PLCL1: variants seen among roughly 807,000 people sequenced by gnomAD.
PLCL1 encodes the protein phospholipase C like 1 (inactive).
Under a neutral mutation model 84.4 loss-of-function variants are expected in PLCL1, and 41 were observed. That is an observed-to-expected ratio of 0.49 (90% confidence interval 0.38 to 0.63). PLCL1 has a LOEUF of 0.63. Ranked by LOEUF, PLCL1 falls within the 30% of genes least tolerant of loss-of-function variation. PLCL1 has a pLI of 0.00. For missense variants in PLCL1, 1,206 were observed against 1,367.8 expected (o/e 0.88, Z 1.87); for synonymous variants, 490 against 488.3 (o/e 1.00, Z -0.05).
At chr2:197,989,259 C>T (rs1026108053) in intron 1 of PLCL1, among the ~76,000 whole-genome samples, 13 of 152,056 alleles carry the variant, frequency 8.5e-5, no homozygotes, top group African/African-American at 2.9e-4. Flanking sequence ...AACGTCTCTG[C>T]CTTTGAGTTG....
At chr2:198,011,420 C>T (rs1195018645) in intron 1 of PLCL1, among the ~76,000 whole-genome samples, 1 of 151,738 alleles carries the variant, frequency 6.6e-6, no homozygotes, top group African/African-American at 2.4e-5. Flanking sequence ...ACTGGATTTT[C>T]CTATTTTCTT....
chr2:198,031,360 G>T (rs991888155), intron 1 of PLCL1, among the ~76,000 whole-genome samples: 26 of 151,908 alleles, frequency 1.7e-4, no homozygotes, highest in African/African-American at 6.0e-4. Flanking sequence ...AGAGCAAGAG[G>T]CCCCGTGTCT....
At chr2:197,862,301 T>G (rs1687447173) in intron 1 of PLCL1, among the ~76,000 whole-genome samples, 1 of 152,184 alleles carries the variant, frequency 6.6e-6, no homozygotes, top group Non-Finnish European at 1.5e-5. Context: ...TAATAAATAT[T>G]TTCTGATAAA....
At chr2:197,842,004 G>A (rs1421569558) in intron 1 of PLCL1, among the ~76,000 whole-genome samples, 1 of 152,086 alleles carries the variant, frequency 6.6e-6, no homozygotes, top group Non-Finnish European at 1.5e-5. Context: ...GAAGGTTTTA[G>A]CCTATGTTTT....
intron 1 of PLCL1, among the ~76,000 whole-genome samples, chr2:197,925,695 G>T (rs1042374535): frequency 1.3e-5 from 2 of 152,048 alleles, no homozygotes; most frequent in Non-Finnish European, 2.9e-5. Context: ...TCTGCTAGTT[G>T]TACTTAAACT....
At chr2:197,825,957 T>A (rs1690919794) in intron 1 of PLCL1, among the ~76,000 whole-genome samples, 2 of 152,226 alleles carry the variant, frequency 1.3e-5, no homozygotes, top group Admixed American at 6.5e-5. Flanking sequence ...TATCTAGCAG[T>A]TCCTCTAATA....
intron 3 of PLCL1, among the ~76,000 whole-genome samples, chr2:198,094,754 G>A (rs1466331971): frequency 6.6e-6 from 1 of 152,162 alleles, no homozygotes; most frequent in African/African-American, 2.4e-5. Context: ...ATGACAGAGG[G>A]TTCACCAAGT....
intron 1 of PLCL1, among the ~76,000 whole-genome samples, chr2:198,082,161 G>A (rs936424852): frequency 2.6e-5 from 4 of 152,092 alleles, no homozygotes; most frequent in African/African-American, 4.8e-5. Context: ...GAACAGTCAC[G>A]CACATTTTCT....
At chr2:197,980,690 T>G (rs1690084377) in intron 1 of PLCL1, among the ~76,000 whole-genome samples, 1 of 152,080 alleles carries the variant, frequency 6.6e-6, no homozygotes, top group African/African-American at 2.4e-5. Flanking sequence ...AAAATGATAG[T>G]GGGGGAACAG....
At chr2:198,102,311 GT>G (rs762693050) in intron 4 of PLCL1, among the ~76,000 whole-genome samples, 1 of 152,012 alleles carries the variant, frequency 6.6e-6, no homozygotes, top group Non-Finnish European at 1.5e-5. Context: ...AAACCCACTT[GT>G]TAACCACATG....
At chr2:197,922,815 C>A (rs1467276865) in intron 1 of PLCL1, among the ~76,000 whole-genome samples, 1 of 127,572 alleles carries the variant, frequency 7.8e-6, no homozygotes, top group Non-Finnish European at 1.7e-5. Flanking sequence ...GGCGGCTGGC[C>A]GGGCAGAGGG....
chr2:198,033,499 C>A (rs1486303872), intron 1 of PLCL1, among the ~76,000 whole-genome samples: 1 of 152,148 alleles, frequency 6.6e-6, no homozygotes, highest in Non-Finnish European at 1.5e-5. Context: ...TTACCAGTAC[C>A]GTTTTCTCTT....
chr2:197,953,929 G>T (rs974764608), intron 1 of PLCL1, among the ~76,000 whole-genome samples: 2 of 150,770 alleles, frequency 1.3e-5, no homozygotes, highest in Non-Finnish European at 1.5e-5. Context: ...GAATAAATCT[G>T]CATGTATTTT....
chr2:197,809,046 C>T (rs1690534106), intron 1 of PLCL1, among the ~76,000 whole-genome samples: 1 of 152,126 alleles, frequency 6.6e-6, no homozygotes, highest in Non-Finnish European at 1.5e-5. Flanking sequence ...TCTCTCATGT[C>T]ATCTTGGGCT....
chr2:198,046,555 T>G (rs1300526958), intron 1 of PLCL1, among the ~76,000 whole-genome samples: 1 of 152,188 alleles, frequency 6.6e-6, no homozygotes, highest in Non-Finnish European at 1.5e-5. Flanking sequence ...CAAAAAACCC[T>G]TTTCAGGCTC....
At chr2:198,015,208 C>G (rs1267381275) in intron 1 of PLCL1, among the ~76,000 whole-genome samples, 1 of 152,092 alleles carries the variant, frequency 6.6e-6, no homozygotes, top group Non-Finnish European at 1.5e-5. Flanking sequence ...ATCTATCTAT[C>G]TATCTACAAA....
intron 1 of PLCL1, among the ~76,000 whole-genome samples, chr2:197,860,850 T>C (rs1465778863): frequency 3.3e-5 from 5 of 152,254 alleles, no homozygotes; most frequent in Admixed American, 6.5e-5. Flanking sequence ...TTTCTTTTGC[T>C]GTGCAGAAGC....
At chr2:198,118,324 T>G (rs960488236) in intron 5 of PLCL1, among the ~76,000 whole-genome samples, 3 of 151,948 alleles carry the variant, frequency 2.0e-5, no homozygotes, top group Non-Finnish European at 4.4e-5. Context: ...GCTGGGTTCA[T>G]CTCAGGAAGC....
chr2:197,889,576 C>A (rs1043750782), intron 1 of PLCL1, among the ~76,000 whole-genome samples: 1 of 152,110 alleles, frequency 6.6e-6, no homozygotes, highest in Non-Finnish European at 1.5e-5. Context: ...ACCCAAGAAG[C>A]AAATATGTTC....
Sources: allele counts gnomAD v4.1 joint callset (sites outside exome capture counted in the v4.1 genomes callset), GRCh38; gene constraint gnomAD v4.1.1; transcripts MANE v1.5; gene names NCBI Gene and HGNC (gene_info 2026-07-23, HGNC 2026-07-21).